Variants in ZNF208 observed in about 807,000 individuals in gnomAD.
ZNF208 encodes zinc finger protein 95.
A neutral mutation model predicts 12.1 loss-of-function variants in ZNF208; 10 were observed. The observed-to-expected ratio is 0.83, with a 90% confidence interval of 0.51 to 1.40. The LOEUF is 1.40. Ranked by LOEUF, ZNF208 falls within the 40% of genes most tolerant of loss-of-function variation. The pLI is 0.00. For missense variants in ZNF208, 1,652 were observed against 1,485.0 expected, an observed-to-expected ratio of 1.11 and a Z score of -1.85; for synonymous variants, 497 against 488.4, an observed-to-expected ratio of 1.02 and a Z score of -0.23.
chr19:21,945,039 T>A (rs8100042), intron 4 of ZNF208, among the ~76,000 whole-genome samples: 24,553 of 152,194 alleles, frequency 0.16, 2,156 homozygotes, highest in Middle Eastern at 0.2. Flanking sequence ...TTACTCATTA[T>A]AATAGTAAAA....
chr19:21,970,159 A>G lies in ZNF208; in HGVS notation c.*1032T>C, dbSNP rs1970252556. ...CAGAAAAGTCTGAGGTGTTGCCAAA[A>G]GCATTGTCACATCTTTCAGGTTTGT... On this transcript the variant is annotated 3_prime_UTR_variant, in exon 4 of 4. Coordinates refer to ENST00000397126, the MANE Select transcript of ZNF208 (RefSeq NM_007153.3). Among the ~76,000 whole-genome samples, 1 of 152,204 alleles carries G rather than the reference A, an allele frequency of 6.6e-6. No individual in the cohort carries two copies. Among genetic ancestry groups the G allele is most frequent in the Non-Finnish European group, 1.5e-5 (1 of 68,026 alleles).
intron 3 of ZNF208, chr19:21,986,953 C>CCAA (rs1306328819): frequency 1.1e-5 from 5 of 448,328 alleles, no homozygotes; most frequent in Non-Finnish European, 1.9e-5. Context: ...ATTGTGCACT[C>CCAA]TCTTGTATGC....
chr19:22,002,534 C>T (rs1156761585), intron 1 of ZNF208, among the ~76,000 whole-genome samples: 1 of 151,886 alleles, frequency 6.6e-6, no homozygotes, highest in Non-Finnish European at 1.5e-5. Flanking sequence ...AAATTAGTAG[C>T]AACCCTATAT....
intron 1 of ZNF208, among the ~76,000 whole-genome samples, chr19:22,007,567 A>AAAT (rs544004102): frequency 1.6e-3 from 242 of 151,972 alleles, no homozygotes; most frequent in African/African-American, 5.4e-3. Flanking sequence ...CACTCTGAGA[A>AAAT]AATAAAAGAT....
chr19:22,001,890 C>CT (rs1491524910), intron 1 of ZNF208, among the ~76,000 whole-genome samples: 881 of 17,212 alleles, frequency 0.051, 172 homozygotes, highest in African/African-American at 0.13. Flanking sequence ...GAGACTCCAT[C>CT]CCAAAAAAAA....
At position 21,971,771 on chromosome 19, in the gene ZNF208, T is replaced by C. The variant is rs752031490; in HGVS notation, c.3263A>G (p.Glu1088Gly). 6.2e-7 allele frequency: 1 copy of C among 1,614,050 alleles called. No individual in the cohort carries two copies. The highest frequency in any genetic ancestry group is 2.2e-5 in the East Asian group (1 of 44,868). The change falls in exon 4 of 4, where the codon GAA becomes GGA. Residue 1088 changes from glutamate to glycine, a missense_variant. Glu to Gly is a moderately conservative substitution (Grantham distance 98). Transcript: ENST00000397126. Reference protein sequence around the residue: ...THAGEEPYKCEECGKAFNWSS... With the variant: ...THAGEEPYKCGECGKAFNWSS... ...CCAGTTGAAAGCTTTGCCACATTCT[T>C]CACATTTGTAGGGTTCCTCTCCAGC...
In ZNF208 at chr19:21,973,676, T is replaced by C; in HGVS notation, c.1358A>G (p.Tyr453Cys). Residue 453 changes from tyrosine (Y) to cysteine (C), a missense_variant, in exon 4 of 4, where the codon TAC becomes TGC. Coordinates refer to ENST00000397126, the MANE Select transcript of ZNF208 (RefSeq NM_007153.3). Reference sequence around the variant, plus strand: ...GCCTTTGCCACATTCTTCACATTTGTAGGGTGTCTCTCCAGTGTGAATTTT... The same window carrying C: ...GCCTTTGCCACATTCTTCACATTTGCAGGGTGTCTCTCCAGTGTGAATTTT... ...HKKIHTGETPYKCEECGKGFS... is the reference protein window; with the variant it reads ...HKKIHTGETPCKCEECGKGFS... 1.9e-6 allele frequency: 3 copies of C among 1,571,422 alleles called. No homozygotes were observed. The highest frequency in any genetic ancestry group is 2.6e-6 in the Non-Finnish European group (3 of 1,144,476).
At position 21,969,965 on chromosome 19, in the gene ZNF208, C is replaced by T. The variant is rs1970249419; in HGVS notation, c.*1226G>A. ...TGCCCAGGCTAGTGTAAATGCTTTC[C>T]TTTGCAATAAGGCATGAGCACTGGT... On this transcript the variant is annotated 3_prime_UTR_variant, in exon 4 of 4. Transcript: ENST00000397126. Among the ~76,000 whole-genome samples, 1 of 152,050 alleles carries T rather than the reference C, an allele frequency of 6.6e-6. No homozygotes were observed. The highest frequency in any genetic ancestry group is 1.5e-5 in the Non-Finnish European group (1 of 67,998).
rs1970207618 is a variant in ZNF208 at position 21,968,255 on chromosome 19, G to A, written c.*2936C>T. On this transcript the variant is annotated 3_prime_UTR_variant, in exon 4 of 4. Coordinates refer to ENST00000397126, the MANE Select transcript of ZNF208 (RefSeq NM_007153.3). ...TGGCTAGGATTTCATAACTTCAATA[G>A]GACTGTTTAGAATGGATATTCTTAT... 6.6e-6 allele frequency: 1 copy of A among 151,926 alleles called. No homozygotes were observed. 9.4% of individuals were successfully genotyped at this position (151,926 alleles called of 1,614,324 possible).
At chr19:21,994,942 T>A (rs1970803476) in intron 1 of ZNF208, among the ~76,000 whole-genome samples, 1 of 132,138 alleles carries the variant, frequency 7.6e-6, no homozygotes, top group Non-Finnish European at 1.7e-5. Flanking sequence ...ACTGCTTATC[T>A]GTTTTTCTTT....
At chr19:21,958,584 C>T (rs1197032791) in intron 4 of ZNF208, among the ~76,000 whole-genome samples, 1 of 152,012 alleles carries the variant, frequency 6.6e-6, no homozygotes, top group Non-Finnish European at 1.5e-5. Flanking sequence ...TGTTTCCTGC[C>T]CTCCTTGTTT....
intron 3 of ZNF208, among the ~76,000 whole-genome samples, chr19:21,981,642 C>G (rs1008527881): frequency 6.6e-6 from 1 of 152,168 alleles, no homozygotes; most frequent in African/African-American, 2.4e-5. Flanking sequence ...CCTTTGAAAA[C>G]TGGCACAAAA....
intron 1 of ZNF208, among the ~76,000 whole-genome samples, chr19:22,002,478 GACAA>G (rs775625004): frequency 1.5e-4 from 23 of 152,056 alleles, no homozygotes; most frequent in Admixed American, 1.0e-3. Flanking sequence ...TCTTTAAACT[GACAA>G]ACAACTTCAG....
At chr19:21,986,038 C>A (rs956008510) in intron 3 of ZNF208, among the ~76,000 whole-genome samples, 2 of 152,164 alleles carry the variant, frequency 1.3e-5, no homozygotes, top group African/African-American at 4.8e-5. Context: ...GCCCTGTGAC[C>A]GAGCTACAAC....
chr19:21,963,731 A>C (rs1371833755), downstream of ZNF208, among the ~76,000 whole-genome samples: 1 of 152,026 alleles, frequency 6.6e-6, no homozygotes, highest in Non-Finnish European at 1.5e-5. Context: ...GAAAAAAATA[A>C]GTCTTCTCTT....
intron 1 of ZNF208, chr19:22,009,446 C>T (rs1971103077): frequency 6.6e-6 from 1 of 152,080 alleles, no homozygotes; most frequent in South Asian, 2.1e-4. Flanking sequence ...TTTCTAATTT[C>T]TACTTTTAAA....
chr19:22,000,684 G>A (rs1285367275), intron 1 of ZNF208, among the ~76,000 whole-genome samples: 2 of 152,048 alleles, frequency 1.3e-5, no homozygotes, highest in African/African-American at 2.4e-5. Flanking sequence ...CCCTAAGCTA[G>A]CAAAAGACAA....
intron 4 of ZNF208, among the ~76,000 whole-genome samples, chr19:21,949,069 T>C (rs1204964052): frequency 6.6e-6 from 1 of 152,186 alleles, no homozygotes; most frequent in Non-Finnish European, 1.5e-5. Context: ...CCCTGGCCTT[T>C]TTGAAAAGGC....
intron 1 of ZNF208, among the ~76,000 whole-genome samples, chr19:22,005,155 C>A (rs535008294): frequency 1.5e-4 from 23 of 151,978 alleles, no homozygotes; most frequent in African/African-American, 5.5e-4. Context: ...GGTTTTTGGC[C>A]AAAAAAACCA....
Sources: allele counts gnomAD v4.1 joint callset (sites outside exome capture counted in the v4.1 genomes callset), GRCh38; gene constraint gnomAD v4.1.1; transcripts MANE v1.5; gene names NCBI Gene and HGNC (gene_info 2026-07-23, HGNC 2026-07-21).